The following CDH13 variants were observed in gnomAD, a reference collection of about 807,000 sequenced individuals.
The protein encoded by CDH13 is cadherin-13.
CDH13 carries 24 observed loss-of-function variants against 63.8 expected under a neutral mutation model. The ratio of observed to expected loss-of-function variants is 0.38; its 90% confidence interval spans 0.27 to 0.53. CDH13 has a LOEUF of 0.53. Among genes scored for constraint, CDH13 ranks in the 20% least tolerant of loss-of-function variants. The pLI, the probability that CDH13 is intolerant of heterozygous loss-of-function variation, is 0.85. For missense variants in CDH13, 1,049 were observed against 903.1 expected, an observed-to-expected ratio of 1.16 and a Z score of -2.07; for synonymous variants, 503 against 355.3, an observed-to-expected ratio of 1.42 and a Z score of -4.67.
chr16:83,002,583 C>T lies in CDH13; in HGVS notation c.158-29427C>T, dbSNP rs551917566. Among the ~76,000 whole-genome samples the T allele has an allele frequency of 2.0e-5, 3 of 152,334 alleles. 1 individual carries two copies. Among genetic ancestry groups the T allele is most frequent in the African/African-American group, 7.2e-5 (3 of 41,568 alleles). On this transcript the variant is annotated intron_variant, in intron 2 of 13. Coordinates refer to ENST00000567109, the MANE Select transcript of CDH13 (RefSeq NM_001257.5). ...TGCCATTGTGATGTGTTCATTCTCG[C>T]TTGGTGCAGACAGGCAATAAACAAA...
chr16:83,277,221 C>G (rs930888717), intron 5 of CDH13, among the ~76,000 whole-genome samples: 10 of 152,172 alleles, frequency 6.6e-5, no homozygotes, highest in African/African-American at 2.2e-4. Flanking sequence ...GGTTTTCTCA[C>G]TCATGGTTAT....
chr16:82,692,416 C>T (rs1224631372), intron 1 of CDH13, among the ~76,000 whole-genome samples: 1 of 152,156 alleles, frequency 6.6e-6, no homozygotes, highest in Non-Finnish European at 1.5e-5. Flanking sequence ...GAAAGAGGAG[C>T]AAAGTCATGT....
chr16:82,780,108 C>T (rs1310443614), intron 1 of CDH13, among the ~76,000 whole-genome samples: 1 of 152,068 alleles, frequency 6.6e-6, no homozygotes, highest in African/African-American at 2.4e-5. Context: ...ACGGTGTCTG[C>T]AATAGTCTCA....
chr16:82,800,989 C>T (rs1186818950), intron 1 of CDH13, among the ~76,000 whole-genome samples: 2 of 152,192 alleles, frequency 1.3e-5, no homozygotes, highest in Non-Finnish European at 2.9e-5. Context: ...GTTCTTGAAA[C>T]TCAAAAGCAG....
chr16:82,924,108 A>C (rs2042236393), intron 2 of CDH13, among the ~76,000 whole-genome samples: 1 of 152,236 alleles, frequency 6.6e-6, no homozygotes, highest in African/African-American at 2.4e-5. Context: ...CTGGTATATA[A>C]CTAGTTTCCC....
At chr16:83,510,428 G>A (rs899335149) in intron 7 of CDH13, among the ~76,000 whole-genome samples, 4 of 152,184 alleles carry the variant, frequency 2.6e-5, no homozygotes, top group South Asian at 2.1e-4. Context: ...GGTGGACTAC[G>A]TCTAATGGAT....
chr16:83,704,204 G>A (rs952723004), intron 10 of CDH13, among the ~76,000 whole-genome samples: 1 of 152,188 alleles, frequency 6.6e-6, no homozygotes, highest in African/African-American at 2.4e-5. Flanking sequence ...AGGAAGCTAA[G>A]GGATAGAAAG....
At chr16:83,345,132 C>CT in intron 6 of CDH13, 126 bp downstream of exon 6, 1 of 1,084,078 alleles carries the variant, frequency 9.2e-7, no homozygotes, top group Non-Finnish European at 1.3e-6. Context: ...CGACTTAATA[C>CT]TTCCCTGCGT....
chr16:83,144,497 T>C (rs1432912956), intron 4 of CDH13, among the ~76,000 whole-genome samples: 2 of 152,218 alleles, frequency 1.3e-5, no homozygotes, highest in Admixed American at 1.3e-4. Flanking sequence ...TGATCAGATA[T>C]AATCACCACG....
chr16:83,393,614 C>G (rs533909200), intron 6 of CDH13, among the ~76,000 whole-genome samples: 9 of 152,264 alleles, frequency 5.9e-5, no homozygotes, highest in African/African-American at 1.9e-4. Context: ...AATTATGGCT[C>G]TACTGAAAGA....
chr16:83,617,952 G>A (rs1042902659), intron 8 of CDH13, among the ~76,000 whole-genome samples: 1 of 151,908 alleles, frequency 6.6e-6, no homozygotes, highest in African/African-American at 2.4e-5. Context: ...ATTGCTTATT[G>A]CCACTCTCAC....
At chr16:82,896,833 T>A (rs1389206685) in intron 2 of CDH13, among the ~76,000 whole-genome samples, 2 of 123,488 alleles carry the variant, frequency 1.6e-5, no homozygotes, top group Non-Finnish European at 3.2e-5. Flanking sequence ...CAGGCTGGAG[T>A]GTAGTGGTGC....
chr16:83,185,667 T>C (rs2038495283), intron 4 of CDH13, among the ~76,000 whole-genome samples: 1 of 152,226 alleles, frequency 6.6e-6, no homozygotes, highest in South Asian at 2.1e-4. Context: ...TACTTACCTG[T>C]TGGTCCAATT....
chr16:83,272,836 C>T (rs1315327878), intron 5 of CDH13, among the ~76,000 whole-genome samples: 1 of 152,142 alleles, frequency 6.6e-6, no homozygotes, highest in Admixed American at 6.6e-5. Context: ...TCAAGAACAA[C>T]TATTCTGTGC....
At chr16:83,137,922 T>C (rs2036367313) in intron 4 of CDH13, among the ~76,000 whole-genome samples, 1 of 152,102 alleles carries the variant, frequency 6.6e-6, no homozygotes, top group Non-Finnish European at 1.5e-5. Context: ...TTTATTTTCT[T>C]TTCCGGCTTG....
At chr16:82,852,427 C>T (rs916302375) in intron 1 of CDH13, among the ~76,000 whole-genome samples, 5 of 152,136 alleles carry the variant, frequency 3.3e-5, no homozygotes, top group African/African-American at 1.2e-4. Flanking sequence ...ATGACTCTGC[C>T]ACCTTGGGAG....
chr16:83,674,874 T>A (rs1033357563), intron 9 of CDH13, among the ~76,000 whole-genome samples: 2 of 152,242 alleles, frequency 1.3e-5, no homozygotes, highest in African/African-American at 4.8e-5. Context: ...TTATTTTCTA[T>A]TCTGTCCTCA....
At chr16:82,672,946 C>G (rs1417315194) in intron 1 of CDH13, among the ~76,000 whole-genome samples, 1 of 151,014 alleles carries the variant, frequency 6.6e-6, no homozygotes, top group Non-Finnish European at 1.5e-5. Context: ...TCCTGAGCAG[C>G]TGGGACCGCA....
chr16:83,269,748 C>T (rs1349090537), intron 5 of CDH13, among the ~76,000 whole-genome samples: 1 of 152,144 alleles, frequency 6.6e-6, no homozygotes, highest in Non-Finnish European at 1.5e-5. Flanking sequence ...TTCCCTTCTC[C>T]TAGCCTTGCT....
Sources: allele counts gnomAD v4.1 joint callset (sites outside exome capture counted in the v4.1 genomes callset), GRCh38; gene constraint gnomAD v4.1.1; transcripts MANE v1.5; gene names NCBI Gene and HGNC (gene_info 2026-07-23, HGNC 2026-07-21).